TCF3: variants seen among roughly 807,000 people sequenced by gnomAD.
The protein encoded by TCF3 is transcription factor 3.
In TCF3, 54 loss-of-function variants were observed where a neutral mutation model predicts 72.3. That is an observed-to-expected ratio of 0.75 (90% CI 0.60 to 0.94). The LOEUF (loss-of-function observed/expected upper bound fraction) is 0.94, where lower values mean the gene tolerates loss of function less well. TCF3 is among the 40% of genes least tolerant of loss of function. The pLI, the probability that TCF3 is intolerant of heterozygous loss-of-function variation, is 0.00. For synonymous variants in TCF3, 525 were observed against 412.6 expected (o/e 1.27, Z -3.30); for missense variants, 1,078 against 934.4 (o/e 1.15, Z -2.00).
chr19:1,630,817 A>G (rs1350398618), intron 5 of TCF3, among the ~76,000 whole-genome samples: 1 of 151,424 alleles, frequency 6.6e-6, no homozygotes, highest in African/African-American at 2.4e-5. Flanking sequence ...CCCCCCCAAG[A>G]CCCCTACCTG....
chr19:1,633,243 C>T (rs2063938431), intron 3 of TCF3, among the ~76,000 whole-genome samples: 1 of 152,210 alleles, frequency 6.6e-6, no homozygotes. Flanking sequence ...CAGGAGCGGG[C>T]CCTGGGCCTC....
At chr19:1,630,163 C>T (rs988830978) in intron 5 of TCF3, among the ~76,000 whole-genome samples, 3 of 152,192 alleles carry the variant, frequency 2.0e-5, no homozygotes, top group Non-Finnish European at 4.4e-5. Flanking sequence ...CCCTGCCCAC[C>T]CTGGGGCCAT....
chr19:1,611,677 C>A lies in TCF3; in HGVS notation c.*30G>T. 6.3e-7 allele frequency: 1 copy of A among 1,599,788 alleles called. No individual in the cohort carries two copies. Among genetic ancestry groups the A allele is most frequent in the Non-Finnish European group, 8.5e-7 (1 of 1,171,576 alleles). ...TGGGGCCAGAGCACAGGGCTGAAAG[C>A]GGGTGGCTCGTCCCACGGAGGCATA... On this transcript the variant is annotated 3_prime_UTR_variant, in exon 19 of 19. Transcript: ENST00000262965.
Position 1,621,933 on chromosome 19 carries a change from A to G in TCF3, c.860T>C (p.Leu287Pro). 3.1e-6 allele frequency: 5 copies of G among 1,605,724 alleles called. No individual in the cohort carries two copies. The highest frequency in any genetic ancestry group is 4.2e-6 in the Non-Finnish European group (5 of 1,177,198). ...TGAGGAGAAGGAGGATGCAGATGGGAGCCCACCGTTCACCTCTGCTCCATG... is the reference window on the plus strand; with the variant it reads ...TGAGGAGAAGGAGGATGCAGATGGGGGCCCACCGTTCACCTCTGCTCCATG... ...QLHGAEVNGG[L>P]PSASSFSSAP... is the part of the protein sequence containing the mutation. Residue 287 changes from leucine (L) to proline (P), a missense_variant, in exon 11 of 19, where the codon CTC becomes CCC. By Grantham distance (98) the Leu-to-Pro change is moderately conservative. Transcript: ENST00000262965.
intron 3 of TCF3, among the ~76,000 whole-genome samples, chr19:1,633,903 C>G (rs183149447): frequency 6.6e-6 from 1 of 152,296 alleles, no homozygotes; most frequent in Admixed American, 6.5e-5. Context: ...CAGTTTGCCT[C>G]TATACCACCT....
chr19:1,624,033 C>CCGGCCAT (rs2062582969), intron 7 of TCF3, 33 bp from the exon 8 acceptor site: 6 of 1,610,682 alleles, frequency 3.7e-6, no homozygotes, highest in Non-Finnish European at 5.1e-6. Flanking sequence ...GAACCGGCCA[C>CCGGCCAT]CGGCCATGAG....
Position 1,611,152 on chromosome 19 carries a change from A to G in TCF3, c.*555T>C, listed in dbSNP as rs900066745. On this transcript the variant is annotated 3_prime_UTR_variant, in exon 19 of 19. Coordinates refer to ENST00000262965, the MANE Select transcript of TCF3 (RefSeq NM_003200.5). ...AGCATCCTTGCTAATTTTCATCTAC[A>G]TTAAGAAAAAAAAAATCTTGTAACT... The G allele has an allele frequency of 2.9e-5, 7 of 238,408 alleles. No homozygotes were observed. Among genetic ancestry groups the G allele is most frequent in the Non-Finnish European group, 4.9e-5 (6 of 122,114 alleles). The allele number at this position is 238,408 out of a possible 1,614,324, so 14.8% of individuals were successfully genotyped here.
chr19:1,646,632 T>C (rs1174281207), intron 2 of TCF3, among the ~76,000 whole-genome samples: 1 of 152,110 alleles, frequency 6.6e-6, no homozygotes, highest in South Asian at 2.1e-4. Flanking sequence ...CGCTGCACCC[T>C]GGACACCCAC....
chr19:1,646,287 GCA>G, intron 3 of TCF3, 66 bp downstream of exon 3: 1 of 1,476,166 alleles, frequency 6.8e-7, no homozygotes, highest in Non-Finnish European at 9.2e-7. Flanking sequence ...TCCCTCGCCC[GCA>G]CACTGTCTTC....
In TCF3 at chr19:1,611,533, AG is replaced by A; in HGVS notation, c.*173del. 3 of 854,764 alleles carry A rather than the reference AG, an allele frequency of 3.5e-6. No homozygotes were observed. Among genetic ancestry groups the A allele is most frequent in the Non-Finnish European group, 5.2e-6 (3 of 581,886 alleles). 52.9% of individuals were successfully genotyped at this position (854,764 alleles called of 1,614,324 possible). On this transcript the variant is annotated 3_prime_UTR_variant, in exon 19 of 19. Transcript: ENST00000262965. ...AGGGCCCCAGGGAGCTCCTGGACCC[AG>A]TGTCACCTTGGCCGCCCCCATCACT...
chr19:1,644,655 C>A (rs972811994), intron 3 of TCF3, among the ~76,000 whole-genome samples: 14 of 152,292 alleles, frequency 9.2e-5, no homozygotes, highest in Middle Eastern at 3.4e-3. Context: ...CCGGGCTGGG[C>A]GTCCAGGGAG....
rs74388134 is a variant in TCF3 at position 1,648,215 on chromosome 19, C to T, written c.73-1788G>A. ...CGCATCTGGTCCAGGGAAGTAAGTG[C>T]TTCCCCTAGGACCCAGCCTCGGCAG... On this transcript the variant is annotated intron_variant, in intron 2 of 18. Transcript: ENST00000262965. Among the ~76,000 whole-genome samples, 695 of 152,328 alleles carry T rather than the reference C, an allele frequency of 4.6e-3. 10 individuals carry two copies. The highest frequency in any genetic ancestry group is 0.016 in the African/African-American group (654 of 41,572).
rs777431914 is a variant in TCF3 at position 1,614,599 on chromosome 19, C to T, written c.1822+686G>A. Among the ~76,000 whole-genome samples, 20 of 152,042 alleles carry T rather than the reference C, an allele frequency of 1.3e-4. No homozygotes were observed. Among genetic ancestry groups the T allele is most frequent in the Non-Finnish European group, 1.6e-4 (11 of 67,996 alleles). ...GTGGGCCGGGCCGGGGCTCTGGCTC[C>T]GGTCCCAGCAACAGTGCTGCAGGAG... On this transcript the variant is annotated intron_variant, in intron 18 of 18. Coordinates refer to ENST00000262965, the MANE Select transcript of TCF3 (RefSeq NM_003200.5). The surrounding 1 kb of genome is among the most constrained non-coding windows in gnomAD (Gnocchi z 5.6).
chr19:1,646,456 G>C (rs1221748739), intron 2 of TCF3, 29 bp from the exon 3 acceptor site: 1 of 1,544,462 alleles, frequency 6.5e-7, no homozygotes, highest in Admixed American at 2.0e-5. Flanking sequence ...AGACGTGAGC[G>C]GGGCGGGTGG....
At chr19:1,619,515 G>A in intron 14 of TCF3, 41 bp from the exon 15 acceptor site, 1 of 1,546,610 alleles carries the variant, frequency 6.5e-7, no homozygotes, top group Non-Finnish European at 8.7e-7. Flanking sequence ...CCCAAGCCGA[G>A]GGACCCCACA....
chr19:1,620,414 C>A (rs918085767), intron 13 of TCF3, among the ~76,000 whole-genome samples: 2 of 152,202 alleles, frequency 1.3e-5, no homozygotes, highest in Non-Finnish European at 2.9e-5. Context: ...GGTCTGCCCT[C>A]CCATGCCGGA....
Position 1,619,675 on chromosome 19 carries a change from G to A in TCF3, c.1167+105C>T, listed in dbSNP as rs2061940069. ...GCCACGAGGCCTCAATAACAGCTTG[G>A]GGCTTATTTACAAGAAACTAACAAA... On this transcript the variant is annotated intron_variant, in intron 14 of 18. Transcript: ENST00000262965. 3.8e-6 allele frequency: 5 copies of A among 1,300,310 alleles called. No homozygotes were observed. In the South Asian group the frequency reaches 6.5e-5, roughly 17 times the overall value. The allele number at this position is 1,300,310 out of a possible 1,614,324, so 80.5% of individuals were successfully genotyped here.
chr19:1,629,990 G>C (rs1160581553), intron 5 of TCF3, among the ~76,000 whole-genome samples: 1 of 152,144 alleles, frequency 6.6e-6, no homozygotes, highest in East Asian at 1.9e-4. Flanking sequence ...GAGGCCATAG[G>C]AGACTGAGGT....
intron 2 of TCF3, among the ~76,000 whole-genome samples, chr19:1,648,107 G>A (rs1222572700): frequency 6.6e-6 from 1 of 152,188 alleles, no homozygotes; most frequent in Non-Finnish European, 1.5e-5. Flanking sequence ...CTGGGTCAGG[G>A]CAGGACAAAG....
Sources: gnomAD v4.1 joint callset for allele counts (sites outside exome capture counted in the v4.1 genomes callset) on GRCh38, gnomAD v4.1.1 for gene constraint, Gnocchi (gnomAD v3.1) non-coding constraint, MANE v1.5 for transcripts, NCBI Gene and HGNC (gene_info 2026-07-23, HGNC 2026-07-21) for gene names.